IGSF11: variants seen among roughly 807,000 people sequenced by gnomAD.
IGSF11 encodes immunoglobulin superfamily member 11.
IGSF11 carries 22 observed loss-of-function variants against 41.0 expected under a neutral mutation model. That is an observed-to-expected ratio of 0.54 (90% CI 0.38 to 0.77). The LOEUF is 0.77. IGSF11 is among the 30% of genes least tolerant of loss of function. IGSF11 has a pLI of 0.00. For missense variants in IGSF11, 444 were observed against 530.8 expected (o/e 0.84, Z 1.61); for synonymous variants, 219 against 201.3 (o/e 1.09, Z -0.74).
chr3:118,919,090 C>T (rs970692481), intron 4 of IGSF11, among the ~76,000 whole-genome samples: 2 of 140,420 alleles, frequency 1.4e-5, no homozygotes, highest in Non-Finnish European at 3.0e-5. Context: ...CTTCCTTACA[C>T]CTTATAGAAA....
chr3:119,107,242 A>G (rs888459513), upstream of IGSF11, among the ~76,000 whole-genome samples: 2 of 152,190 alleles, frequency 1.3e-5, no homozygotes, highest in African/African-American at 4.8e-5. Flanking sequence ...CATCCTCTCC[A>G]GCACCTGTTG....
intron 1 of IGSF11, among the ~76,000 whole-genome samples, chr3:119,010,675 G>A (rs572436339): frequency 1.3e-5 from 2 of 152,152 alleles, no homozygotes; most frequent in South Asian, 4.2e-4. Context: ...CACTTTCTTG[G>A]GCCTCCAACT....
chr3:119,001,648 A>C (rs1936882812), intron 1 of IGSF11, among the ~76,000 whole-genome samples: 1 of 122,562 alleles, frequency 8.2e-6, no homozygotes, highest in Admixed American at 9.3e-5. Flanking sequence ...CAGTCCCCAG[A>C]GTGTGATATT....
intron 1 of IGSF11, among the ~76,000 whole-genome samples, chr3:118,974,885 C>T (rs1418827327): frequency 6.6e-6 from 1 of 151,778 alleles, no homozygotes; most frequent in Non-Finnish European, 1.5e-5. Flanking sequence ...ACCTAGTTAC[C>T]ATGGTGACAA....
chr3:119,139,884 T>TA (rs1411028318), intron 1 of IGSF11, among the ~76,000 whole-genome samples: 2 of 152,188 alleles, frequency 1.3e-5, no homozygotes, highest in East Asian at 3.8e-4. Flanking sequence ...GACGGGAACA[T>TA]AGTATACTGG....
rs1476560230 is a variant in IGSF11, at chr3:119,145,228, T to C, written c.-14+585A>G. Among the ~76,000 whole-genome samples the C allele has an allele frequency of 3.9e-5, 6 of 152,338 alleles. No homozygotes were observed. In the East Asian group the frequency reaches 1.2e-3, roughly 29 times the overall value. ...TGCAGTTAAATCCCTACTAAAGGAA[T>C]ATCTGGCATCACACTACCAACCCTT... On this transcript the variant is annotated intron_variant, in intron 1 of 7. Transcript: ENST00000425327.
chr3:118,926,073 A>G (rs746436148), intron 4 of IGSF11, 28 bp downstream of exon 4: 2 of 1,426,492 alleles, frequency 1.4e-6, no homozygotes, highest in Non-Finnish European at 1.9e-6. Flanking sequence ...GATAACTAAT[A>G]AAATGGGTAA....
intron 1 of IGSF11, among the ~76,000 whole-genome samples, chr3:119,004,114 A>G (rs1412258187): frequency 2.0e-5 from 3 of 148,806 alleles, no homozygotes; most frequent in Non-Finnish European, 4.5e-5. Flanking sequence ...TGGTTGGTAA[A>G]CTATTGATTA....
upstream of IGSF11, among the ~76,000 whole-genome samples, chr3:119,107,178 G>A (rs9713579): frequency 6.6e-6 from 1 of 152,042 alleles, no homozygotes; most frequent in African/African-American, 2.4e-5. Flanking sequence ...CTTCCACAAT[G>A]GTTGAACTAG....
chr3:119,009,659 TAGC>T (rs1304998099), intron 1 of IGSF11, among the ~76,000 whole-genome samples: 1 of 152,220 alleles, frequency 6.6e-6, no homozygotes, highest in African/African-American at 2.4e-5. Context: ...AGTATCTTAA[TAGC>T]AGTGTGAGAA....
intron 1 of IGSF11, among the ~76,000 whole-genome samples, chr3:119,117,700 A>G (rs2077277560): frequency 9.9e-5 from 15 of 152,130 alleles, no homozygotes; most frequent in Admixed American, 9.8e-4. Flanking sequence ...CATTAACCCA[A>G]AGTCCACAGT....
At chr3:119,000,112 T>C (rs1347158609) in intron 1 of IGSF11, among the ~76,000 whole-genome samples, 1 of 147,092 alleles carries the variant, frequency 6.8e-6, no homozygotes, top group Non-Finnish European at 1.5e-5. Flanking sequence ...CCATTTATTG[T>C]AAATATGAAG....
At chr3:119,139,575 T>C (rs559880282) in intron 1 of IGSF11, among the ~76,000 whole-genome samples, 1 of 152,358 alleles carries the variant, frequency 6.6e-6, no homozygotes, top group African/African-American at 2.4e-5. Flanking sequence ...ATGTAAGACG[T>C]GACTTGCTCT....
At chr3:118,958,412 G>C (rs183687238) in intron 1 of IGSF11, among the ~76,000 whole-genome samples, 45 of 152,248 alleles carry the variant, frequency 3.0e-4, no homozygotes, top group Admixed American at 2.6e-3. Flanking sequence ...AACTAAATTT[G>C]TTAATTTTTC....
intron 1 of IGSF11, among the ~76,000 whole-genome samples, chr3:119,003,529 A>G (rs1937128504): frequency 2.0e-5 from 3 of 151,084 alleles, no homozygotes; most frequent in Admixed American, 2.0e-4. Context: ...GAGCGGTAAG[A>G]GAGGGCATCC....
chr3:119,111,729 CT>C (rs2077165231), intron 1 of IGSF11, among the ~76,000 whole-genome samples: 1 of 152,156 alleles, frequency 6.6e-6, no homozygotes. Flanking sequence ...GTTTTATCTA[CT>C]TTTGGTCTTT....
intron 1 of IGSF11, among the ~76,000 whole-genome samples, chr3:118,931,981 C>T (rs1306708664): frequency 6.6e-6 from 1 of 152,172 alleles, no homozygotes; most frequent in Non-Finnish European, 1.5e-5. Flanking sequence ...GATCTGGCCA[C>T]CTTGGCCTCC....
intron 1 of IGSF11, among the ~76,000 whole-genome samples, chr3:119,096,464 C>A (rs972673121): frequency 2.0e-5 from 3 of 151,794 alleles, no homozygotes; most frequent in African/African-American, 7.3e-5. Context: ...AATAATAATA[C>A]AGTCCAGAAA....
intron 6 of IGSF11, among the ~76,000 whole-genome samples, chr3:118,903,560 TG>T (rs2107463891): frequency 6.6e-6 from 1 of 152,298 alleles, no homozygotes; most frequent in East Asian, 1.9e-4. Flanking sequence ...TGTGGGGTGC[TG>T]ATGAGAGGTT....
Sources: allele counts gnomAD v4.1 joint callset (sites outside exome capture counted in the v4.1 genomes callset), GRCh38; gene constraint gnomAD v4.1.1; transcripts MANE v1.5; gene names NCBI Gene and HGNC (gene_info 2026-07-23, HGNC 2026-07-21).